Variants in MED26 observed in about 807,000 individuals in gnomAD.
MED26 encodes mediator of RNA polymerase II transcription subunit 26.
MED26 carries 7 observed loss-of-function variants against 43.7 expected under a neutral mutation model. The ratio of observed to expected loss-of-function variants is 0.16; its 90% CI spans 0.09 to 0.30. The LOEUF (loss-of-function observed/expected upper bound fraction) is 0.30. Ranked by LOEUF, MED26 falls within the 10% of genes least tolerant of loss-of-function variation. MED26 has a pLI of 1.00. For synonymous variants in MED26, 375 were observed against 371.1 expected (o/e 1.01, Z -0.12); for missense variants, 784 against 840.6 (o/e 0.93, Z 0.83).
chr19:16,614,126 A>G (rs1410995857), intron 1 of MED26, among the ~76,000 whole-genome samples: 1 of 152,174 alleles, frequency 6.6e-6, no homozygotes, highest in African/African-American at 2.4e-5. Flanking sequence ...TGTCACAAGT[A>G]AAAAGACTGA....
intron 1 of MED26, among the ~76,000 whole-genome samples, chr19:16,592,295 T>C (rs988195201): frequency 2.0e-5 from 3 of 151,874 alleles, no homozygotes; most frequent in African/African-American, 7.3e-5. Context: ...GACTGCAGAG[T>C]CCATACCACG....
At position 16,576,213 on chromosome 19, in the gene MED26, G is replaced by A; in HGVS notation, c.1617C>T (p.Asp539=). 1.2e-6 allele frequency: 2 copies of A among 1,612,106 alleles called. No homozygotes were observed. Among genetic ancestry groups the A allele is most frequent in the African/African-American group, 1.3e-5 (1 of 75,050 alleles). ...HVLVPQSPPT[D]LPGLTREVTQ... is the part of the protein sequence containing the mutation. ...TGACCTCCCGGGTCAGACCAGGGAG[G>A]TCCGTGGGCGGGCTTTGAGGCACCA... The change falls in exon 3 of 3, where the codon GAC becomes GAT. Residue 539 remains aspartate (D), a synonymous_variant. Transcript: ENST00000263390. This position sits in a 1 kb window ranked among gnomAD's most constrained non-coding sequence, Gnocchi z 6.8.
At chr19:16,609,311 CAAAAAA>C (rs777358965) in intron 1 of MED26, among the ~76,000 whole-genome samples, 4 of 25,068 alleles carry the variant, frequency 1.6e-4, no homozygotes, top group African/African-American at 2.3e-4. Flanking sequence ...GACTCCGTCT[CAAAAAA>C]AAAAAAAAAA....
rs2086020683 is a variant in MED26 at position 16,577,878 on chromosome 19, C to T, written c.148-196G>A. On this transcript the variant is annotated intron_variant, in intron 2 of 2. Coordinates refer to ENST00000263390, the MANE Select transcript of MED26 (RefSeq NM_004831.5). This position sits in a 1 kb window ranked among gnomAD's most constrained non-coding sequence, Gnocchi z 8.1. ...AATATAAATTCTCAAACCTAGTTCC[C>T]AGACCTTCAGGGTCCCAGGTGGCTT... 1 of 529,392 alleles carries T rather than the reference C, an allele frequency of 1.9e-6. No homozygotes were observed. The highest frequency in any genetic ancestry group is 2.0e-5 in the African/African-American group (1 of 50,846). The allele number at this position is 529,392 out of a possible 1,614,324, so 32.8% of individuals were successfully genotyped here.
rs765918261 is a variant in MED26, at chr19:16,577,410, C to A, written c.420G>T (p.Arg140=). The A allele has an allele frequency of 6.2e-7, 1 of 1,603,028 alleles. No homozygotes were observed. The highest frequency in any genetic ancestry group is 1.1e-5 in the South Asian group (1 of 90,776). The change falls in exon 3 of 3, where the codon CGG becomes CGT. Residue 140 remains arginine (R), a synonymous_variant. Transcript: ENST00000263390. This position sits in a 1 kb window ranked among gnomAD's most constrained non-coding sequence, Gnocchi z 8.1. ...RNDLQRLPGQ[R]LDRLGSRKRR... ...GCTTGCGGCTGCCCAGCCTGTCCAGCCGCTGCCCGGGCAGCCTCTGGAGGT... is the reference window on the plus strand; with the variant it reads ...GCTTGCGGCTGCCCAGCCTGTCCAGACGCTGCCCGGGCAGCCTCTGGAGGT...
chr19:16,602,612 T>C (rs1469001573), intron 1 of MED26, among the ~76,000 whole-genome samples: 1 of 152,162 alleles, frequency 6.6e-6, no homozygotes, highest in African/African-American at 2.4e-5. Context: ...CAGGAACAGA[T>C]GAATGAATAA....
Position 16,575,914 on chromosome 19 carries a change from A to C in MED26, c.*113T>G. 1 of 859,350 alleles carries C rather than the reference A, an allele frequency of 1.2e-6. No homozygotes were observed. Among genetic ancestry groups the C allele is most frequent in the Non-Finnish European group, 1.8e-6 (1 of 558,814 alleles). 53.2% of individuals were successfully genotyped at this position (859,350 alleles called of 1,614,324 possible). A position where few individuals can be genotyped will look rare whatever the true frequency, so the allele number is the denominator to read the frequency against. ...GCCCCCTCCCTCCCGCCTGGGCCGGACTCCCCGAGTTCCCAGCGCAGGAGG... is the reference window on the plus strand; with the variant it reads ...GCCCCCTCCCTCCCGCCTGGGCCGGCCTCCCCGAGTTCCCAGCGCAGGAGG... On this transcript the variant is annotated 3_prime_UTR_variant, in exon 3 of 3. Coordinates refer to ENST00000263390, the MANE Select transcript of MED26 (RefSeq NM_004831.5).
chr19:16,609,336 A>AAAAAAAAAAAGAGAGAG lies in MED26; in HGVS notation c.72+18535_72+18536insCTCTCTCTTTTTTTTTT, dbSNP rs765489188. ...CAAAAAAAAAAAAAAAAAAAAAAAA[A>AAAAAAAAAAAGAGAGAG]AGAGAGAGAATAAGATATTAACCAA... On this transcript the variant is annotated intron_variant, in intron 1 of 2. Transcript: ENST00000263390. Among the ~76,000 whole-genome samples the AAAAAAAAAAAGAGAGAG allele has an allele frequency of 2.0e-3, 286 of 142,248 alleles. 11 individuals carry two copies. The highest frequency in any genetic ancestry group is 3.4e-3 in the Non-Finnish European group (219 of 63,988). 93.3% of individuals were successfully genotyped at this position (142,248 alleles called of 152,430 possible).
chr19:16,575,640 G>T lies in MED26; in HGVS notation c.*387C>A, dbSNP rs1212616725. 1 of 222,366 alleles carries T rather than the reference G, an allele frequency of 4.5e-6. No individual in the cohort carries two copies. The highest frequency in any genetic ancestry group is 9.1e-6 in the Non-Finnish European group (1 of 110,378). 13.8% of individuals were successfully genotyped at this position (222,366 alleles called of 1,614,324 possible). On this transcript the variant is annotated 3_prime_UTR_variant, in exon 3 of 3. Transcript: ENST00000263390. ...GTGCTTCTGTTGCTGTGTTAAAGGT[G>T]ACCTCTCCCACAGGTTTTCTGTGCC...
chr19:16,616,233 C>T (rs1331168283), intron 1 of MED26, among the ~76,000 whole-genome samples: 1 of 151,772 alleles, frequency 6.6e-6, no homozygotes, highest in Admixed American at 6.5e-5. Context: ...AAAAGCCTTC[C>T]TATGCAGCAT....
intron 1 of MED26, among the ~76,000 whole-genome samples, chr19:16,619,005 T>G (rs868667000): frequency 3.9e-5 from 6 of 152,060 alleles, no homozygotes; most frequent in Middle Eastern, 3.4e-3. Flanking sequence ...CAGACTTGCC[T>G]TTGGGCCTGC....
intron 1 of MED26, among the ~76,000 whole-genome samples, chr19:16,582,997 G>A (rs1568280753): frequency 6.6e-6 from 1 of 152,224 alleles, no homozygotes; most frequent in Non-Finnish European, 1.5e-5. Flanking sequence ...CCCTGTTTCT[G>A]GGATGCCCTT....
At chr19:16,584,914 A>G (rs535203128) in intron 1 of MED26, among the ~76,000 whole-genome samples, 1 of 152,322 alleles carries the variant, frequency 6.6e-6, no homozygotes, top group East Asian at 1.9e-4. Context: ...GCAGCCATCT[A>G]AAGGGGAAGT....
At chr19:16,617,147 T>C (rs890113009) in intron 1 of MED26, among the ~76,000 whole-genome samples, 5 of 152,124 alleles carry the variant, frequency 3.3e-5, no homozygotes, top group African/African-American at 7.2e-5. Context: ...TAACTCCTTG[T>C]TGGGCTGACA....
In MED26 at chr19:16,628,151, A is replaced by AGCCGCCGGAGCC. The variant is rs1219246292; in HGVS notation, c.-220_-209dup. On this transcript the variant is annotated 5_prime_UTR_variant, in exon 1 of 3. Coordinates refer to ENST00000263390, the MANE Select transcript of MED26 (RefSeq NM_004831.5). ...CCGCCGCCACCAAAGGAGGAGGAGGAGCCGCCGGAGCCGCCGCCGCTCGCT... is the reference window on the plus strand; with the variant it reads ...CCGCCGCCACCAAAGGAGGAGGAGGAGCCGCCGGAGCCGCCGCCGGAGCCGCCGCCGCTCGCT... 4 of 363,328 alleles carry AGCCGCCGGAGCC rather than the reference A, an allele frequency of 1.1e-5. No homozygotes were observed. The highest frequency in any genetic ancestry group is 1.9e-5 in the Non-Finnish European group (4 of 205,782). 22.5% of individuals were successfully genotyped at this position (363,328 alleles called of 1,614,324 possible).
At chr19:16,626,376 G>A (rs767470303) in intron 1 of MED26, among the ~76,000 whole-genome samples, 1 of 152,092 alleles carries the variant, frequency 6.6e-6, no homozygotes, top group South Asian at 2.1e-4. Context: ...AGTGACACCA[G>A]TTACTGCAAA....
intron 1 of MED26, among the ~76,000 whole-genome samples, chr19:16,604,036 C>G (rs891893990): frequency 5.3e-5 from 8 of 152,224 alleles, no homozygotes; most frequent in Admixed American, 3.3e-4. Flanking sequence ...GGGAGACATT[C>G]ACATGAATAT....
intron 1 of MED26, among the ~76,000 whole-genome samples, chr19:16,595,835 C>T (rs62116877): frequency 0.011 from 1,726 of 152,296 alleles, 17 homozygotes; most frequent in Non-Finnish European, 0.018. Flanking sequence ...TAACCTTCTC[C>T]GATTGCTGGG....
intron 1 of MED26, among the ~76,000 whole-genome samples, chr19:16,626,651 G>A (rs1568293350): frequency 6.6e-6 from 1 of 152,150 alleles, no homozygotes; most frequent in Non-Finnish European, 1.5e-5. Flanking sequence ...ATTGCTAAGA[G>A]TAATCAGCCA....
Sources: gnomAD v4.1 joint callset for allele counts (sites outside exome capture counted in the v4.1 genomes callset) on GRCh38, gnomAD v4.1.1 for gene constraint, Gnocchi (gnomAD v3.1) non-coding constraint, MANE v1.5 for transcripts, NCBI Gene and HGNC (gene_info 2026-07-23, HGNC 2026-07-21) for gene names.